CHEK2: variants seen among roughly 807,000 people sequenced by gnomAD.
The protein encoded by CHEK2 is serine/threonine-protein kinase Chk2.
CHEK2 carries 71 observed loss-of-function variants against 69.1 expected under a neutral mutation model. That is an observed-to-expected ratio of 1.03 (90% CI 0.85 to 1.25). CHEK2 has a LOEUF of 1.25. Ranked by LOEUF, CHEK2 falls within the 50% of genes most tolerant of loss-of-function variation. CHEK2 has a pLI of 0.00. For synonymous variants in CHEK2, 189 were observed against 226.9 expected, an observed-to-expected ratio of 0.83 and a Z score of 1.50; for missense variants, 664 against 649.6, an observed-to-expected ratio of 1.02 and a Z score of -0.24.
chr22:28,727,145 G>A lies in CHEK2; in HGVS notation c.320-1778C>T, dbSNP rs549573940. 1.2e-4 allele frequency among the ~76,000 whole-genome samples: 18 copies of A among 152,102 alleles called. 1 individual carries two copies. Among genetic ancestry groups the A allele is most frequent in the Non-Finnish European group, 1.0e-4 (7 of 68,016 alleles). ...CAACCTCCACCTCCCAGGTTCAAGCGATTCTCCTGCCTCAGCCTCCCGAGT... is the reference window on the plus strand; with the variant it reads ...CAACCTCCACCTCCCAGGTTCAAGCAATTCTCCTGCCTCAGCCTCCCGAGT... On this transcript the variant is annotated intron_variant, in intron 2 of 14. Transcript: ENST00000404276.
Position 28,708,137 on chromosome 22 carries a change from C to T in CHEK2, c.846+1869G>A, listed in dbSNP as rs551464668. The stretch of plus-strand genomic sequence containing the variant: ...TACAGGCGTGAGCCACCGCGCCCAC[C>T]GCATTTGTGTTTATCTTAAGGGTAG... On this transcript the variant is annotated intron_variant, in intron 7 of 14. Coordinates refer to ENST00000404276, the MANE Select transcript of CHEK2 (RefSeq NM_007194.4). 1.3e-4 allele frequency among the ~76,000 whole-genome samples: 20 copies of T among 152,176 alleles called. No individual in the cohort carries two copies. In the South Asian group the frequency reaches 1.9e-3, roughly 14 times the overall value.
At chr22:28,740,628 C>T (rs753070508) in intron 1 of CHEK2, among the ~76,000 whole-genome samples, 9 of 152,226 alleles carry the variant, frequency 5.9e-5, no homozygotes, top group Non-Finnish European at 1.2e-4. Flanking sequence ...CCTGTGTGCC[C>T]ATGGCTCTGA....
At chr22:28,739,989 T>C (rs756126555) in intron 1 of CHEK2, among the ~76,000 whole-genome samples, 5 of 151,968 alleles carry the variant, frequency 3.3e-5, no homozygotes, top group African/African-American at 4.8e-5. Flanking sequence ...GATCACAAGG[T>C]CAGGAGATGG....
At chr22:28,723,529 C>T (rs2053875587) in intron 4 of CHEK2, among the ~76,000 whole-genome samples, 2 of 133,796 alleles carry the variant, frequency 1.5e-5, no homozygotes, top group Admixed American at 8.8e-5. Context: ...ACCCGGGAGG[C>T]GGAGCTTGCA....
At chr22:28,693,550 C>A (rs1200136280) in intron 13 of CHEK2, among the ~76,000 whole-genome samples, 1 of 152,096 alleles carries the variant, frequency 6.6e-6, no homozygotes, top group Admixed American at 6.6e-5. Flanking sequence ...CCAGAACAAG[C>A]ACTCAAAAGA....
chr22:28,737,255 C>T (rs777790911), intron 1 of CHEK2: 68 of 471,808 alleles, frequency 1.4e-4, no homozygotes, highest in Non-Finnish European at 6.5e-5. Flanking sequence ...AAGATTAGTT[C>T]TTACCATAGA....
At chr22:28,700,951 G>A (rs1022404367) in intron 8 of CHEK2, among the ~76,000 whole-genome samples, 3 of 151,958 alleles carry the variant, frequency 2.0e-5, no homozygotes, top group Non-Finnish European at 4.4e-5. Flanking sequence ...CATCATGCCC[G>A]GCTAATTTTG....
At chr22:28,717,388 A>C (rs1023942938) in intron 5 of CHEK2, among the ~76,000 whole-genome samples, 3 of 152,162 alleles carry the variant, frequency 2.0e-5, no homozygotes, top group Non-Finnish European at 2.9e-5. Context: ...AAGAAGAAAA[A>C]AATAAATGTA....
chr22:28,710,090 G>C, intron 6 of CHEK2, 31 bp from the exon 7 acceptor site: 1 of 1,391,596 alleles, frequency 7.2e-7, no homozygotes, highest in South Asian at 1.2e-5. Flanking sequence ...GAGTTTATTA[G>C]TAATAATAAT....
At chr22:28,709,244 T>C (rs2053296485) in intron 7 of CHEK2, among the ~76,000 whole-genome samples, 1 of 152,140 alleles carries the variant, frequency 6.6e-6, no homozygotes, top group Non-Finnish European at 1.5e-5. Context: ...CACCATTTAA[T>C]CAGATATAAG....
chr22:28,696,290 TG>T (rs1569114862), intron 10 of CHEK2, among the ~76,000 whole-genome samples: 2 of 152,216 alleles, frequency 1.3e-5, no homozygotes, highest in Admixed American at 1.3e-4. Context: ...AGGTAAAGCC[TG>T]GGTGTCATAA....
chr22:28,728,688 A>C (rs542057288), intron 2 of CHEK2, among the ~76,000 whole-genome samples: 1 of 152,218 alleles, frequency 6.6e-6, no homozygotes, highest in East Asian at 1.9e-4. Flanking sequence ...GGTGACAGAG[A>C]GAGAGACTCT....
chr22:28,722,539 C>CAAAAAAAAAAAAAAAAAAAAA (rs755107963), intron 4 of CHEK2, among the ~76,000 whole-genome samples: 1 of 67,928 alleles, frequency 1.5e-5, no homozygotes, highest in Non-Finnish European at 3.0e-5. Flanking sequence ...GACTCCGTCT[C>CAAAAAAAAAAAAAAAAAAAAA]AAAAAAAAAA....
At chr22:28,718,363 T>C (rs1305380968) in intron 5 of CHEK2, among the ~76,000 whole-genome samples, 1 of 152,056 alleles carries the variant, frequency 6.6e-6, no homozygotes, top group Non-Finnish European at 1.5e-5. Context: ...TGGAAAATAG[T>C]ATAAAGGTTC....
chr22:28,716,183 C>CT (rs2053580486), intron 5 of CHEK2, among the ~76,000 whole-genome samples: 1 of 144,248 alleles, frequency 6.9e-6, no homozygotes, highest in Admixed American at 7.2e-5. Flanking sequence ...TCATACATTT[C>CT]TTTTTTCTTT....
At chr22:28,710,670 A>G (rs891228053) in intron 6 of CHEK2, among the ~76,000 whole-genome samples, 6 of 152,182 alleles carry the variant, frequency 3.9e-5, no homozygotes, top group African/African-American at 1.4e-4. Context: ...AGGATGAATC[A>G]AGTAACTCAG....
chr22:28,739,670 C>G (rs1462998937), intron 1 of CHEK2, among the ~76,000 whole-genome samples: 1 of 151,610 alleles, frequency 6.6e-6, no homozygotes, highest in Non-Finnish European at 1.5e-5. Flanking sequence ...GCCTGGGCGA[C>G]AGAGTAAGAC....
chr22:28,712,271 G>A (rs1374621344), intron 5 of CHEK2: 2 of 489,052 alleles, frequency 4.1e-6, no homozygotes, highest in African/African-American at 3.9e-5. Flanking sequence ...TGTAGCCCTG[G>A]ATTGTGAAAT....
intron 5 of CHEK2, among the ~76,000 whole-genome samples, chr22:28,713,092 C>A (rs1287554832): frequency 6.6e-6 from 1 of 152,182 alleles, no homozygotes; most frequent in Non-Finnish European, 1.5e-5. Context: ...CAATATGTAG[C>A]CTTTCGTGTC....
Sources: gnomAD v4.1 joint callset for allele counts (sites outside exome capture counted in the v4.1 genomes callset) on GRCh38, gnomAD v4.1.1 for gene constraint, MANE v1.5 for transcripts, NCBI Gene and HGNC (gene_info 2026-07-23, HGNC 2026-07-21) for gene names.